Variants in CPB1 observed in about 807,000 individuals in gnomAD.
CPB1 encodes the protein carboxypeptidase B1.
Under a neutral mutation model 51.4 loss-of-function variants are expected in CPB1, and 53 were observed. The observed-to-expected ratio is 1.03, with a 90% CI of 0.83 to 1.30. The LOEUF (loss-of-function observed/expected upper bound fraction) is 1.30, where lower values mean the gene tolerates loss of function less well. Among genes scored for constraint, CPB1 ranks in the 50% most tolerant of loss-of-function variants. CPB1 has a pLI of 0.00. For missense variants in CPB1, 494 were observed against 516.2 expected, an observed-to-expected ratio of 0.96 and a Z score of 0.42; for synonymous variants, 189 against 186.9, an observed-to-expected ratio of 1.01 and a Z score of -0.09.
chr3:148,829,895 G>A (rs1359604077), intron 2 of CPB1, among the ~76,000 whole-genome samples: 2 of 151,942 alleles, frequency 1.3e-5, no homozygotes, highest in Admixed American at 6.6e-5. Context: ...AAGCTAGGGG[G>A]GTGTTACCTA....
At position 148,845,639 on chromosome 3, in the gene CPB1, G is replaced by A; in HGVS notation, c.981+13G>A. 1 of 1,592,172 alleles carries A rather than the reference G, an allele frequency of 6.3e-7. No individual in the cohort carries two copies. ...CAATGCTGAGTTGGTAAGTAGCAAA[G>A]TAGTAGGTATGACATTTTACTATTG... On this transcript the variant is annotated intron_variant, in intron 9 of 10. Coordinates refer to ENST00000282957, the MANE Select transcript of CPB1 (RefSeq NM_001871.3).
chr3:148,830,651 A>G (rs529959011), intron 2 of CPB1, among the ~76,000 whole-genome samples: 7 of 152,246 alleles, frequency 4.6e-5, no homozygotes, highest in African/African-American at 1.2e-4. Context: ...TTGGGCCTCA[A>G]TGTTCTCTTT....
chr3:148,857,792 A>G (rs1713625975), intron 10 of CPB1, among the ~76,000 whole-genome samples: 1 of 152,072 alleles, frequency 6.6e-6, no homozygotes, highest in Non-Finnish European at 1.5e-5. Flanking sequence ...CCAGCTACTC[A>G]GGAGGCTGAA....
chr3:148,839,518 T>G (rs1713009886), intron 3 of CPB1, among the ~76,000 whole-genome samples: 1 of 152,222 alleles, frequency 6.6e-6, no homozygotes, highest in Non-Finnish European at 1.5e-5. Context: ...ATTTTTTCCT[T>G]TTTAAATACT....
Position 148,844,786 on chromosome 3 carries a change from A to T in CPB1, c.778+19A>T, listed in dbSNP as rs747903134. The T allele has an allele frequency of 1.2e-6, 2 of 1,602,926 alleles. No individual in the cohort carries two copies. Among genetic ancestry groups the T allele is most frequent in the Non-Finnish European group, 1.7e-6 (2 of 1,170,156 alleles). On this transcript the variant is annotated intron_variant, in intron 8 of 10. Coordinates refer to ENST00000282957, the MANE Select transcript of CPB1 (RefSeq NM_001871.3). ...TGGTGTGGTAAGTATCTGGCTAGCC[A>T]TTTTGCATGTATCCATTGAAAAACA...
At chr3:148,853,809 G>A (rs1713497802) in intron 9 of CPB1, among the ~76,000 whole-genome samples, 1 of 152,208 alleles carries the variant, frequency 6.6e-6, no homozygotes, top group Non-Finnish European at 1.5e-5. Context: ...ATGGGGCTGT[G>A]TGCCCTTGAG....
chr3:148,859,610 A>C (rs979974076), intron 10 of CPB1, among the ~76,000 whole-genome samples: 20 of 152,358 alleles, frequency 1.3e-4, no homozygotes, highest in African/African-American at 4.8e-4. Context: ...TCATTTCTAC[A>C]AAGTGAAGTG....
chr3:148,849,484 C>A (rs1400879606), intron 9 of CPB1, among the ~76,000 whole-genome samples: 1 of 152,202 alleles, frequency 6.6e-6, no homozygotes, highest in African/African-American at 2.4e-5. Context: ...AAAAGGCTCT[C>A]AAACCTAGCC....
At chr3:148,834,125 G>C (rs1247239529) in intron 2 of CPB1, among the ~76,000 whole-genome samples, 1 of 152,120 alleles carries the variant, frequency 6.6e-6, no homozygotes, top group Non-Finnish European at 1.5e-5. Context: ...TGTAATTCTA[G>C]TTAATTCATC....
chr3:148,845,324 A>C, intron 8 of CPB1, 100 bp from the exon 9 acceptor site: 1 of 934,854 alleles, frequency 1.1e-6, no homozygotes, highest in Non-Finnish European at 1.7e-6. Context: ...CTCCTTGATA[A>C]GGACTCCTAT....
chr3:148,846,037 A>G (rs1015043091), intron 9 of CPB1, among the ~76,000 whole-genome samples: 2 of 152,218 alleles, frequency 1.3e-5, no homozygotes, highest in Non-Finnish European at 2.9e-5. Flanking sequence ...AGAGCACAGC[A>G]GATGTCATTA....
chr3:148,846,152 C>CA (rs937262694), intron 9 of CPB1, among the ~76,000 whole-genome samples: 1 of 151,908 alleles, frequency 6.6e-6, no homozygotes, highest in African/African-American at 2.4e-5. Context: ...AATCAATGAA[C>CA]AAATAATGTG....
At chr3:148,838,062 C>G (rs1033279775) in intron 3 of CPB1, 1 of 152,294 alleles carries the variant, frequency 6.6e-6, no homozygotes, top group African/African-American at 2.4e-5. Context: ...TCCTAGCTAA[C>G]ACGGTCAAAC....
intron 9 of CPB1, among the ~76,000 whole-genome samples, chr3:148,846,110 C>T (rs973271012): frequency 2.0e-5 from 3 of 152,206 alleles, no homozygotes; most frequent in Non-Finnish European, 4.4e-5. Flanking sequence ...GTTTATTTCA[C>T]TTTTTGATTG....
intron 6 of CPB1, among the ~76,000 whole-genome samples, chr3:148,843,646 T>G (rs1005484070): frequency 7.9e-5 from 12 of 152,226 alleles, no homozygotes; most frequent in African/African-American, 2.6e-4. Flanking sequence ...TTTATATATA[T>G]AATTACAAAC....
chr3:148,834,542 C>T lies in CPB1; in HGVS notation c.192C>T (p.His64=), dbSNP rs146944241. The T allele has an allele frequency of 1.5e-3, 2,428 of 1,613,568 alleles. No individual in the cohort carries two copies. The highest frequency in any genetic ancestry group is 1.9e-3 in the Non-Finnish European group (2,213 of 1,179,472). The change falls in exon 3 of 11, where the codon CAC becomes CAT. Residue 64 remains histidine (H), a synonymous_variant. Transcript: ENST00000282957. The part of the protein sequence containing the change: ...KPDSVTQIKP[H]STVDFRVKAE... ...ATTCTGTCACACAAATCAAACCTCA[C>T]AGTACAGTTGACTTCCGTGTTAAAG... is the stretch of plus-strand genomic sequence containing the variant.
At chr3:148,841,976 A>G in intron 6 of CPB1, 52 bp downstream of exon 6, 1 of 1,281,254 alleles carries the variant, frequency 7.8e-7, no homozygotes, top group Non-Finnish European at 1.1e-6. Flanking sequence ...TTTAATTTTC[A>G]ATTAATTCCT....
chr3:148,855,700 A>T (rs1183369104), intron 9 of CPB1: 1 of 152,248 alleles, frequency 6.6e-6, no homozygotes, highest in Non-Finnish European at 1.5e-5. Flanking sequence ...TTGAAGAATC[A>T]TATTTCTACT....
At chr3:148,855,235 A>G (rs1713540154) in intron 9 of CPB1, 1 of 152,218 alleles carries the variant, frequency 6.6e-6, no homozygotes, top group Non-Finnish European at 1.5e-5. Context: ...AACTGAGGAC[A>G]AGAGCTGAGA....
Sources: allele counts gnomAD v4.1 joint callset (sites outside exome capture counted in the v4.1 genomes callset), GRCh38; gene constraint gnomAD v4.1.1; transcripts MANE v1.5; gene names NCBI Gene and HGNC (gene_info 2026-07-23, HGNC 2026-07-21).